Variants in DYNC1I1 observed in about 807,000 individuals in gnomAD.
The protein encoded by DYNC1I1 is cytoplasmic dynein 1 intermediate chain 1.
DYNC1I1 carries 43 observed loss-of-function variants against 86.6 expected under a neutral mutation model. That is an observed-to-expected ratio of 0.50 (90% CI 0.39 to 0.64). DYNC1I1 has a LOEUF of 0.64. Among genes scored for constraint, DYNC1I1 ranks in the 30% least tolerant of loss-of-function variants. DYNC1I1 has a pLI of 0.00. For missense variants in DYNC1I1, 604 were observed against 788.8 expected, an observed-to-expected ratio of 0.77 and a Z score of 2.81; for synonymous variants, 262 against 283.7, an observed-to-expected ratio of 0.92 and a Z score of 0.77.
At chr7:95,799,401 G>A (rs1273379858) in intron 1 of DYNC1I1, among the ~76,000 whole-genome samples, 1 of 151,918 alleles carries the variant, frequency 6.6e-6, no homozygotes, top group Non-Finnish European at 1.5e-5. Flanking sequence ...AGAAACTTAG[G>A]ACCGTGAGCC....
chr7:96,014,338 G>A (rs1291552068), intron 10 of DYNC1I1, among the ~76,000 whole-genome samples: 2 of 152,108 alleles, frequency 1.3e-5, no homozygotes, highest in Non-Finnish European at 2.9e-5. Context: ...CTCCCTTTTC[G>A]GTTTTTGCCC....
At chr7:95,906,732 T>C (rs984787514) in intron 6 of DYNC1I1, among the ~76,000 whole-genome samples, 2 of 152,150 alleles carry the variant, frequency 1.3e-5, no homozygotes, top group African/African-American at 4.8e-5. Flanking sequence ...CATTTGCTCT[T>C]GCTTCTTTTA....
At chr7:96,008,422 G>A (rs897322646) in intron 10 of DYNC1I1, among the ~76,000 whole-genome samples, 1 of 152,040 alleles carries the variant, frequency 6.6e-6, no homozygotes, top group African/African-American at 2.4e-5. Flanking sequence ...AAAAAAAAAG[G>A]CACTTGAAAG....
intron 14 of DYNC1I1, among the ~76,000 whole-genome samples, 183 bp downstream of exon 14, chr7:96,039,604 T>A (rs1788974237): frequency 6.6e-6 from 1 of 152,180 alleles, no homozygotes; most frequent in African/African-American, 2.4e-5. Context: ...CTTTTACACA[T>A]ATAGGTAATA....
chr7:96,036,260 T>G (rs1014710487), intron 13 of DYNC1I1, among the ~76,000 whole-genome samples: 24 of 152,162 alleles, frequency 1.6e-4, no homozygotes, highest in African/African-American at 5.1e-4. Flanking sequence ...TCCCATAGAA[T>G]TTTCAATTCT....
In DYNC1I1 at chr7:95,857,161, C is replaced by T. The variant is rs545853764; in HGVS notation, c.375-12722C>T. Among the ~76,000 whole-genome samples, 28 of 152,220 alleles carry T rather than the reference C, an allele frequency of 1.8e-4. 1 individual carries two copies. Among genetic ancestry groups the T allele is most frequent in the South Asian group, 1.5e-3 (7 of 4,816 alleles). ...CTCTAAGCCCAAGCAAGGTTCTTGA[C>T]GCAGTCATAGATGTTGTAATCCTTC... On this transcript the variant is annotated intron_variant, in intron 5 of 16. Coordinates refer to ENST00000447467, the MANE Select transcript of DYNC1I1 (RefSeq NM_001135556.2).
intron 6 of DYNC1I1, among the ~76,000 whole-genome samples, chr7:95,970,490 G>A (rs142090376): frequency 2.6e-5 from 4 of 152,304 alleles, no homozygotes; most frequent in South Asian, 2.1e-4. Flanking sequence ...GTGTGCTGGG[G>A]AAGAGAGAAG....
intron 6 of DYNC1I1, among the ~76,000 whole-genome samples, chr7:95,897,203 CT>C (rs1790904590): frequency 6.6e-6 from 1 of 152,158 alleles, no homozygotes; most frequent in Non-Finnish European, 1.5e-5. Context: ...CCCCAGGTTC[CT>C]AAGCAGGAAG....
intron 6 of DYNC1I1, among the ~76,000 whole-genome samples, chr7:95,911,465 A>G (rs1269457678): frequency 6.6e-6 from 1 of 152,170 alleles, no homozygotes; most frequent in Non-Finnish European, 1.5e-5. Flanking sequence ...AAGGCTGACC[A>G]GAGGTGAGAA....
At chr7:96,088,002 A>G (rs534133939) in intron 16 of DYNC1I1, among the ~76,000 whole-genome samples, 4 of 152,182 alleles carry the variant, frequency 2.6e-5, no homozygotes, top group Admixed American at 2.6e-4. Flanking sequence ...TGCTTAATTT[A>G]AAAAAGAAAA....
At chr7:95,781,454 A>T (rs1311309286) in intron 1 of DYNC1I1, among the ~76,000 whole-genome samples, 2 of 152,192 alleles carry the variant, frequency 1.3e-5, no homozygotes, top group Admixed American at 6.5e-5. Context: ...GAGACCTTAA[A>T]GTAGATAGAA....
chr7:95,887,329 C>T (rs1262562643), intron 6 of DYNC1I1, among the ~76,000 whole-genome samples: 4 of 152,176 alleles, frequency 2.6e-5, no homozygotes, highest in African/African-American at 9.7e-5. Context: ...CTACTTCATT[C>T]TCCTGACTCT....
chr7:96,010,332 A>G (rs903407335), intron 10 of DYNC1I1, among the ~76,000 whole-genome samples: 1 of 152,168 alleles, frequency 6.6e-6, no homozygotes, highest in African/African-American at 2.4e-5. Flanking sequence ...GGGCTTTGGA[A>G]GTCCGAGCTA....
chr7:95,796,805 C>G (rs1794449575), intron 1 of DYNC1I1, among the ~76,000 whole-genome samples: 2 of 151,820 alleles, frequency 1.3e-5, no homozygotes, highest in Admixed American at 1.3e-4. Context: ...TGGGGAACCC[C>G]TAGGGGTTCC....
chr7:95,872,601 T>A (rs551944338), intron 6 of DYNC1I1, among the ~76,000 whole-genome samples: 2 of 152,298 alleles, frequency 1.3e-5, no homozygotes, highest in African/African-American at 4.8e-5. Context: ...TTTTTGATCA[T>A]AATGATCTGT....
chr7:95,863,474 T>G (rs1005611812), intron 5 of DYNC1I1, among the ~76,000 whole-genome samples: 4 of 151,182 alleles, frequency 2.6e-5, no homozygotes, highest in Non-Finnish European at 5.9e-5. Flanking sequence ...AATTATACAG[T>G]TTAAATAAGG....
intron 4 of DYNC1I1, among the ~76,000 whole-genome samples, chr7:95,815,847 C>A (rs1359578553): frequency 6.6e-6 from 1 of 152,124 alleles, no homozygotes; most frequent in Non-Finnish European, 1.5e-5. Context: ...TTATCTCATT[C>A]ATTTGCCAAA....
chr7:96,103,406 G>A (rs1791165793), downstream of DYNC1I1, among the ~76,000 whole-genome samples: 1 of 152,130 alleles, frequency 6.6e-6, no homozygotes, highest in African/African-American at 2.4e-5. Flanking sequence ...TCTAACCCAA[G>A]CCATCATCAT....
chr7:95,887,545 C>T (rs1406350101), intron 6 of DYNC1I1, among the ~76,000 whole-genome samples: 1 of 151,962 alleles, frequency 6.6e-6, no homozygotes, highest in African/African-American at 2.4e-5. Context: ...GTGTTTTTAC[C>T]CCTCTTATAG....
Sources: allele counts gnomAD v4.1 joint callset (sites outside exome capture counted in the v4.1 genomes callset), GRCh38; gene constraint gnomAD v4.1.1; transcripts MANE v1.5; gene names NCBI Gene and HGNC (gene_info 2026-07-23, HGNC 2026-07-21).